Variants in OASL observed in about 807,000 individuals in gnomAD.
OASL encodes the protein 2'-5'-oligoadenylate synthetase like, also known as 2'-5'-oligoadenylate synthase-like protein.
OASL carries 28 observed loss-of-function variants against 35.3 expected under a neutral mutation model. The ratio of observed to expected loss-of-function variants is 0.79; its 90% confidence interval spans 0.59 to 1.09. OASL has a LOEUF of 1.09. OASL is among the 50% of genes least tolerant of loss of function. The pLI, the probability that OASL is intolerant of heterozygous loss-of-function variation, is 0.00. For missense variants in OASL, 620 were observed against 635.2 expected, an observed-to-expected ratio of 0.98 and a Z score of 0.26; for synonymous variants, 252 against 254.6, an observed-to-expected ratio of 0.99 and a Z score of 0.10.
chr12:121,035,474 G>A (rs1869915270), intron 1 of OASL, among the ~76,000 whole-genome samples: 1 of 151,794 alleles, frequency 6.6e-6, no homozygotes, highest in South Asian at 2.1e-4. Flanking sequence ...GTGGTGAGCT[G>A]AGATCTCGCC....
intron 1 of OASL, among the ~76,000 whole-genome samples, chr12:121,035,540 C>CAAAACAAAACAACAA (rs1555216047): frequency 7.0e-5 from 3 of 42,976 alleles, no homozygotes; most frequent in African/African-American, 3.2e-4. Context: ...AACAAAACAA[C>CAAAACAAAACAACAA]AAAAAAAAAC....
intron 1 of OASL, among the ~76,000 whole-genome samples, chr12:121,034,977 T>C (rs755906611): frequency 6.6e-6 from 1 of 152,032 alleles, no homozygotes; most frequent in Admixed American, 6.6e-5. Context: ...CTGGTGCCTC[T>C]GGTATGCAAA....
chr12:121,038,866 C>T lies in OASL; in HGVS notation c.106G>A (p.Ala36Thr), dbSNP rs201238602. The T allele has an allele frequency of 2.1e-4, 339 of 1,614,132 alleles. 2 individuals are homozygous for T. Among genetic ancestry groups the T allele is most frequent in the South Asian group, 1.8e-3 (167 of 91,084 alleles). ...AGAAACTCCTCCACGGTCCGCACAG[C>T]GTCTAGCACCTCTTCCTTCCACTCC... Residue 36 changes from alanine to threonine, a missense_variant, in exon 1 of 6, where the codon GCT becomes ACT. Ala to Thr is a moderately conservative substitution (Grantham distance 58, BLOSUM62 0). Coordinates refer to ENST00000257570, the Ensembl canonical transcript of OASL.
At chr12:121,024,687 G>T (rs1005239907) in intron 4 of OASL, among the ~76,000 whole-genome samples, 2 of 152,056 alleles carry the variant, frequency 1.3e-5, no homozygotes, top group South Asian at 2.1e-4. Context: ...GGAGAATGAG[G>T]CCCCAAGAGG....
intron 3 of OASL, among the ~76,000 whole-genome samples, chr12:121,029,968 G>A (rs1343619458): frequency 6.6e-6 from 1 of 152,126 alleles, no homozygotes; most frequent in Non-Finnish European, 1.5e-5. Flanking sequence ...CGGGGCTCAA[G>A]TGATCCTTCC....
chr12:121,037,567 G>T (rs1303809291), intron 1 of OASL, among the ~76,000 whole-genome samples: 1 of 149,470 alleles, frequency 6.7e-6, no homozygotes, highest in South Asian at 2.1e-4. Flanking sequence ...GAGGTCAGGA[G>T]ATCGAGACCA....
exon 1 of OASL, chr12:121,039,224 C>T: frequency 5.7e-6 from 3 of 526,392 alleles, no homozygotes; most frequent in Non-Finnish European, 1.0e-5. Flanking sequence ...GCCACCTTAA[C>T]AGGCTGGCCG....
exon 6 of OASL, chr12:121,020,555 A>G (rs755298572): frequency 7.5e-6 from 12 of 1,594,512 alleles, no homozygotes; most frequent in Non-Finnish European, 9.4e-6. Flanking sequence ...AGTCTCCCAG[A>G]GAAAACTAAC....
intron 1 of OASL, among the ~76,000 whole-genome samples, chr12:121,034,696 G>T (rs1869881352): frequency 6.6e-6 from 1 of 152,106 alleles, no homozygotes; most frequent in African/African-American, 2.4e-5. Flanking sequence ...TAAACATTCT[G>T]ACTCCTGAGA....
chr12:121,029,001 G>T (rs1869616685), intron 3 of OASL, among the ~76,000 whole-genome samples: 1 of 148,670 alleles, frequency 6.7e-6, no homozygotes, highest in African/African-American at 2.5e-5. Context: ...GGAGGAGGAG[G>T]TTGCAGTGAA....
chr12:121,018,218 G>T (rs1869097149), downstream of OASL, among the ~76,000 whole-genome samples: 1 of 152,184 alleles, frequency 6.6e-6, no homozygotes, highest in Non-Finnish European at 1.5e-5. Flanking sequence ...GAGGCAGTGT[G>T]TGTGCAGGTG....
intron 3 of OASL, among the ~76,000 whole-genome samples, chr12:121,030,343 T>C (rs1487009375): frequency 6.6e-6 from 1 of 152,158 alleles, no homozygotes; most frequent in Non-Finnish European, 1.5e-5. Context: ...TAGCTGGGAC[T>C]ACAGGCGCCC....
intron 5 of OASL, among the ~76,000 whole-genome samples, chr12:121,021,900 A>G (rs1354462567): frequency 1.3e-5 from 2 of 152,060 alleles, no homozygotes; most frequent in Admixed American, 1.3e-4. Context: ...ATATTTGCAC[A>G]ATGTTGTGTG....
rs7969180 is a variant in OASL at position 121,027,698 on chromosome 12, G to A, written c.777C>T (p.Gly259=). 1,060 of 1,614,194 alleles carry A rather than the reference G, an allele frequency of 6.6e-4. 10 individuals carry two copies. In the African/African-American group the frequency reaches 0.013, roughly 19 times the overall value. Residue 259 remains glycine (G), a synonymous_variant, in exon 4 of 6, where the codon GGC becomes GGT. Transcript: ENST00000257570. ...GGAGCAGGTCCATCACAGTGGTGAA[G>A]CCTTCGTCCAACATGAAATTCTCGT...
exon 2 of OASL, chr12:121,033,593 C>G (rs1869833294): frequency 6.2e-7 from 1 of 1,614,182 alleles, no homozygotes. Context: ...TCCAGCAGGT[C>G]CTGGCTTTGC....
chr12:121,023,989 C>T lies in OASL; in HGVS notation c.1047+1G>A, dbSNP rs761146255. 1 of 1,614,020 alleles carries T rather than the reference C, an allele frequency of 6.2e-7. No homozygotes were observed. Among genetic ancestry groups the T allele is most frequent in the South Asian group, 1.1e-5 (1 of 91,064 alleles). ...TTGACAGCCCAGAGAGGAGCCATTACCTTCACGTTCCAGCTGGAGATGGGG... is the reference window on the plus strand; with the variant it reads ...TTGACAGCCCAGAGAGGAGCCATTATCTTCACGTTCCAGCTGGAGATGGGG... On this transcript the variant is annotated splice_donor_variant, in intron 5 of 5. Transcript: ENST00000257570. LOFTEE classifies it high-confidence loss of function.
intron 2 of OASL, among the ~76,000 whole-genome samples, chr12:121,033,228 A>G (rs556480526): frequency 4.6e-5 from 7 of 152,012 alleles, no homozygotes; most frequent in Non-Finnish European, 1.0e-4. Context: ...CCAGGCTGCA[A>G]TCATGTATTT....
chr12:121,034,360 T>A (rs930504192), intron 1 of OASL, among the ~76,000 whole-genome samples: 1 of 152,034 alleles, frequency 6.6e-6, no homozygotes, highest in Non-Finnish European at 1.5e-5. Context: ...AGTGACTGGG[T>A]TTTGGCATGT....
chr12:121,032,188 G>A (rs769634243), intron 2 of OASL, among the ~76,000 whole-genome samples: 10 of 147,752 alleles, frequency 6.8e-5, no homozygotes, highest in African/African-American at 1.0e-4. Context: ...GCGAGACTCC[G>A]TCTCAAAAAA....
Sources: gnomAD v4.1 joint callset for allele counts (sites outside exome capture counted in the v4.1 genomes callset) on GRCh38, gnomAD v4.1.1 for gene constraint, MANE v1.5 for transcripts, NCBI Gene and HGNC (gene_info 2026-07-23, HGNC 2026-07-21) for gene names.